The following TAF1B variants were observed in gnomAD, a reference collection of about 807,000 sequenced individuals.
TAF1B encodes TATA-box binding protein associated factor, RNA polymerase I subunit B.
TAF1B carries 61 observed loss-of-function variants against 83.9 expected under a neutral mutation model. The observed-to-expected ratio is 0.73, with a 90% CI of 0.59 to 0.90. The LOEUF (loss-of-function observed/expected upper bound fraction) is 0.90. Ranked by LOEUF, TAF1B falls within the 40% of genes least tolerant of loss-of-function variation. TAF1B has a pLI of 0.00. For missense variants in TAF1B, 625 were observed against 677.0 expected (o/e 0.92, Z 0.85); for synonymous variants, 221 against 224.6 (o/e 0.98, Z 0.14).
At chr2:9,866,504 C>T (rs1663980605) in intron 5 of TAF1B, among the ~76,000 whole-genome samples, 1 of 152,066 alleles carries the variant, frequency 6.6e-6, no homozygotes, top group African/African-American at 2.4e-5. Context: ...TAAACTAGTT[C>T]AACCATTGTG....
chr2:9,904,937 A>G lies in TAF1B; in HGVS notation c.886A>G (p.Ile296Val). Residue 296 changes from isoleucine (I) to valine (V), a missense_variant, in exon 9 of 15, where the codon ATA (isoleucine) becomes GTA (valine). Ile to Val is a conservative substitution (Grantham distance 29). Transcript: ENST00000263663. ...TFLDLPRFPD[I>V]TEDCYLHPNI... Reference sequence around the variant, plus strand: ...TTTAGATTTGCCTCGTTTTCCAGACATAACTGAAGACTGCTATCTTCATCC... The same window carrying G: ...TTTAGATTTGCCTCGTTTTCCAGACGTAACTGAAGACTGCTATCTTCATCC... 6 of 1,612,666 alleles carry G rather than the reference A, an allele frequency of 3.7e-6. No homozygotes were observed. The highest frequency in any genetic ancestry group is 5.1e-6 in the Non-Finnish European group (6 of 1,178,686).
intron 12 of TAF1B, among the ~76,000 whole-genome samples, chr2:9,917,886 A>C (rs564411819): frequency 3.3e-5 from 5 of 151,720 alleles, no homozygotes; most frequent in South Asian, 2.1e-4. Flanking sequence ...TCCCGGCTAA[A>C]ACGGTGAAAC....
Position 9,882,817 on chromosome 2 carries a change from T to C in TAF1B, c.807+12T>C. The C allele has an allele frequency of 1.3e-6, 2 of 1,561,694 alleles. No individual in the cohort carries two copies. The highest frequency in any genetic ancestry group is 1.7e-6 in the Non-Finnish European group (2 of 1,147,784). The stretch of plus-strand genomic sequence containing the variant: ...TCTTTGGTATAGAGGTAAGTTATTT[T>C]CTTTTTTACTTTCTAGTCTCTGATA... On this transcript the variant is annotated intron_variant, in intron 8 of 14. Coordinates refer to ENST00000263663, the MANE Select transcript of TAF1B (RefSeq NM_005680.3).
chr2:9,912,701 C>T (rs1156238255), intron 11 of TAF1B, among the ~76,000 whole-genome samples: 1 of 152,164 alleles, frequency 6.6e-6, no homozygotes, highest in Non-Finnish European at 1.5e-5. Context: ...AATCACCATC[C>T]CCTGCCCCCA....
At chr2:9,883,292 GA>G (rs1171459582) in intron 8 of TAF1B, among the ~76,000 whole-genome samples, 4 of 152,142 alleles carry the variant, frequency 2.6e-5, no homozygotes, top group Admixed American at 6.5e-5. Context: ...CTTTGATTAT[GA>G]GTTTGTGTCA....
At chr2:9,850,025 ATATGTGTGTGTG>A (rs1304080961) in intron 3 of TAF1B, among the ~76,000 whole-genome samples, 9 of 119,050 alleles carry the variant, frequency 7.6e-5, no homozygotes, top group East Asian at 5.4e-4. Flanking sequence ...ATATATATAT[ATATGTGTGTGTG>A]TGTGTGTGTG....
chr2:9,858,628 A>T (rs1432593018), intron 5 of TAF1B, among the ~76,000 whole-genome samples: 3 of 152,314 alleles, frequency 2.0e-5, no homozygotes, highest in African/African-American at 4.8e-5. Context: ...AGGCATTTCC[A>T]TACATCCTCT....
chr2:9,917,243 T>G (rs1665709835), intron 12 of TAF1B, among the ~76,000 whole-genome samples: 1 of 152,256 alleles, frequency 6.6e-6, no homozygotes. Flanking sequence ...CTTGATCAAG[T>G]ATTTTTTAAA....
chr2:9,860,567 CAGAG>C (rs1363103294), intron 5 of TAF1B, among the ~76,000 whole-genome samples: 2 of 152,082 alleles, frequency 1.3e-5, no homozygotes, highest in African/African-American at 4.8e-5. Flanking sequence ...GGTATGAAGA[CAGAG>C]AGAGGACCAA....
chr2:9,925,095 AT>A (rs1372537431), intron 14 of TAF1B, among the ~76,000 whole-genome samples: 5 of 152,170 alleles, frequency 3.3e-5, no homozygotes, highest in Non-Finnish European at 2.9e-5. Flanking sequence ...CAAAAATGTG[AT>A]TTTAATTTTT....
Position 9,877,747 on chromosome 2 carries a change from C to T in TAF1B, c.707+1729C>T, listed in dbSNP as rs147091943. On this transcript the variant is annotated intron_variant, in intron 7 of 14. Transcript: ENST00000263663. ...AGAAATCTAACAAGGTGGAGAAAGT[C>T]GTATTTACCTGGAATTCTTCTCAGG... is the stretch of plus-strand genomic sequence containing the variant. 2.0e-5 allele frequency among the ~76,000 whole-genome samples: 3 copies of T among 152,224 alleles called. No homozygotes were observed. In the East Asian group the frequency reaches 5.8e-4, roughly 29 times the overall value.
At chr2:9,857,747 C>A (rs1232250083) in intron 5 of TAF1B, among the ~76,000 whole-genome samples, 1 of 152,106 alleles carries the variant, frequency 6.6e-6, no homozygotes, top group Non-Finnish European at 1.5e-5. Flanking sequence ...AGAGTGCGTG[C>A]GTGTGAGCAA....
chr2:9,919,428 T>C (rs1364084528), intron 13 of TAF1B, among the ~76,000 whole-genome samples, 170 bp from the exon 14 acceptor site: 1 of 152,228 alleles, frequency 6.6e-6, no homozygotes, highest in African/African-American at 2.4e-5. Flanking sequence ...GTTTCCCCCA[T>C]GCACCTCATC....
In TAF1B at chr2:9,882,676, CATTAAACCTTTTTCTT is replaced by C. The variant is rs1238639008; in HGVS notation, c.708-29_708-14del. Reference sequence around the variant, plus strand: ...CTCTGCTATATCAGTATATAACTCTCATTAAACCTTTTTCTTTTTAAAAATACAGGTTTGTTGAAGA... The same window carrying C: ...CTCTGCTATATCAGTATATAACTCTCTTTAAAAATACAGGTTTGTTGAAGA... On this transcript the variant is annotated splice_polypyrimidine_tract_variant and intron_variant, in intron 7 of 14. Transcript: ENST00000263663. 1 of 1,523,114 alleles carries C rather than the reference CATTAAACCTTTTTCTT, an allele frequency of 6.6e-7. No homozygotes were observed. The allele number at this position is 1,523,114 out of a possible 1,614,324, so 94.3% of individuals were successfully genotyped here. A position where few individuals can be genotyped will look rare whatever the true frequency, so the allele number is the denominator to read the frequency against.
chr2:9,879,012 A>C (rs1290678164), intron 7 of TAF1B, among the ~76,000 whole-genome samples: 2 of 152,246 alleles, frequency 1.3e-5, no homozygotes, highest in African/African-American at 2.4e-5. Flanking sequence ...AAATGAAAAT[A>C]GAGCCAGTGT....
chr2:9,851,355 T>C (rs1663384562), intron 3 of TAF1B, among the ~76,000 whole-genome samples, 186 bp from the exon 4 acceptor site: 2 of 152,028 alleles, frequency 1.3e-5, no homozygotes, highest in South Asian at 4.1e-4. Flanking sequence ...AACAAGAGAA[T>C]ATAAGAATGG....
intron 7 of TAF1B, among the ~76,000 whole-genome samples, chr2:9,879,077 T>C (rs1664411927): frequency 6.6e-6 from 1 of 152,212 alleles, no homozygotes; most frequent in Non-Finnish European, 1.5e-5. Context: ...TTCCAAGACA[T>C]TGGATGCCTG....
rs57261740 is a variant in TAF1B at position 9,908,028 on chromosome 2, C to CTTTT, written c.956-2676_956-2673dup. Reference sequence around the variant, plus strand: ...AGCGGAGCAGTTCAAGATCTTAATTCTTTTTTTTTTTTTTTTTTTTTTTTT... The same window carrying CTTTT: ...AGCGGAGCAGTTCAAGATCTTAATTCTTTTTTTTTTTTTTTTTTTTTTTTTTTTT... On this transcript the variant is annotated intron_variant, in intron 9 of 14. Coordinates refer to ENST00000263663, the MANE Select transcript of TAF1B (RefSeq NM_005680.3). Among the ~76,000 whole-genome samples the CTTTT allele has an allele frequency of 3.3e-3, 236 of 71,744 alleles. 48 individuals are homozygous for CTTTT. Among genetic ancestry groups the CTTTT allele is most frequent in the African/African-American group, 7.5e-3 (95 of 12,710 alleles). 47.1% of individuals were successfully genotyped at this position (71,744 alleles called of 152,430 possible).
chr2:9,868,403 T>G lies in TAF1B; in HGVS notation c.527T>G (p.Phe176Cys), dbSNP rs1224242785. 5 of 1,613,122 alleles carry G rather than the reference T, an allele frequency of 3.1e-6. No homozygotes were observed. The highest frequency in any genetic ancestry group is 4.2e-6 in the Non-Finnish European group (5 of 1,179,444). Residue 176 changes from phenylalanine to cysteine, a missense_variant, in exon 6 of 15, where the codon TTC (phenylalanine) becomes TGC (cysteine). Coordinates refer to ENST00000263663, the MANE Select transcript of TAF1B (RefSeq NM_005680.3). ...TCTGACATCCACACTCGAAAACCTT[T>G]CCCCGTCAGCAAAGCATCACAATCA... ...SQSDIHTRKP[F>C]PVSKASQSET...
Sources: gnomAD v4.1 joint callset for allele counts (sites outside exome capture counted in the v4.1 genomes callset) on GRCh38, gnomAD v4.1.1 for gene constraint, MANE v1.5 for transcripts, NCBI Gene and HGNC (gene_info 2026-07-23, HGNC 2026-07-21) for gene names.